The following TAC1 variants were observed in gnomAD, a reference collection of about 807,000 sequenced individuals.
TAC1 encodes tachykinin precursor 1.
A neutral mutation model predicts 21.7 loss-of-function variants in TAC1; 12 were observed. That is an observed-to-expected ratio of 0.55 (90% CI 0.35 to 0.89). The LOEUF (loss-of-function observed/expected upper bound fraction) is 0.89, where lower values mean the gene tolerates loss of function less well. Among genes scored for constraint, TAC1 ranks in the 40% least tolerant of loss-of-function variants. The pLI is 0.01. For synonymous variants in TAC1, 52 were observed against 52.0 expected (o/e 1.00, Z 0.00); for missense variants, 128 against 151.4 (o/e 0.85, Z 0.81).
chr7:97,732,878 G>C lies in TAC1; in HGVS notation c.123+143G>C. ...CGGTTGCGTGCGAGAGGATGGAAAG[G>C]GGCACTATTTCCCGGGTTCCCCACG... On this transcript the variant is annotated intron_variant, in intron 2 of 6. Transcript: ENST00000319273. This position sits in a 1 kb window ranked among gnomAD's most constrained non-coding sequence, Gnocchi z 6.2. 1 of 1,105,572 alleles carries C rather than the reference G, an allele frequency of 9.0e-7. No individual in the cohort carries two copies. The highest frequency in any genetic ancestry group is 1.3e-6 in the Non-Finnish European group (1 of 792,242). 68.5% of individuals were successfully genotyped at this position (1,105,572 alleles called of 1,614,324 possible).
At chr7:97,736,396 T>G (rs1789574927) in intron 6 of TAC1, 44 bp downstream of exon 6, 1 of 1,517,296 alleles carries the variant, frequency 6.6e-7, no homozygotes, top group Non-Finnish European at 9.1e-7. Flanking sequence ...ATCTCAAATC[T>G]ATTTCTATTT....
chr7:97,732,304 T>C lies in TAC1; in HGVS notation c.-10+109T>C, dbSNP rs73390393. ...CTGCGGCGAGGGACAGTGGGGAGACTGGCTTCCCAAACGCCAACGCCCCTC... is the reference window on the plus strand; with the variant it reads ...CTGCGGCGAGGGACAGTGGGGAGACCGGCTTCCCAAACGCCAACGCCCCTC... On this transcript the variant is annotated intron_variant, in intron 1 of 6. Transcript: ENST00000319273. This position sits in a 1 kb window ranked among gnomAD's most constrained non-coding sequence, Gnocchi z 6.2. The C allele has an allele frequency of 3.7e-3, 847 of 226,046 alleles. 8 individuals are homozygous for C. Among genetic ancestry groups the C allele is most frequent in the African/African-American group, 0.019 (815 of 43,968 alleles). 14.0% of individuals were successfully genotyped at this position (226,046 alleles called of 1,614,324 possible).
At chr7:97,739,734 A>C (rs890447426) in intron 6 of TAC1, 140 bp from the exon 7 acceptor site, 8 of 554,480 alleles carry the variant, frequency 1.4e-5, no homozygotes, top group Admixed American at 3.5e-5. Context: ...AGATGTGCAG[A>C]TAACATTCTT....
intron 6 of TAC1, 32 bp from the exon 7 acceptor site, chr7:97,739,842 T>TA (rs1370302693): frequency 2.5e-6 from 4 of 1,583,524 alleles, no homozygotes; most frequent in Non-Finnish European, 3.4e-6. Context: ...TGAATTCACT[T>TA]AAAAAACACT....
In TAC1 at chr7:97,732,525, T is replaced by G. The variant is rs1412687355; in HGVS notation, c.-9-79T>G. ...TCCGTTGTGGGGCAGAAAATTCTGT[T>G]GCTTTAACTCTTGGATAACCACCCC... On this transcript the variant is annotated intron_variant, in intron 1 of 6. Coordinates refer to ENST00000319273, the MANE Select transcript of TAC1 (RefSeq NM_003182.3). The surrounding 1 kb of genome is among the most constrained non-coding windows in gnomAD (Gnocchi z 6.2). The G allele has an allele frequency of 1.3e-6, 2 of 1,542,430 alleles. No homozygotes were observed. Among genetic ancestry groups the G allele is most frequent in the Non-Finnish European group, 1.8e-6 (2 of 1,134,332 alleles).
intron 2 of TAC1, 119 bp from the exon 3 acceptor site, chr7:97,733,604 T>TG (rs1789486847): frequency 1.1e-6 from 1 of 885,872 alleles, no homozygotes; most frequent in Non-Finnish European, 1.8e-6. Context: ...AGCCCGAGCG[T>TG]GGGGAAGGCC....
At position 97,734,272 on chromosome 7, in the gene TAC1, C is replaced by T; in HGVS notation, c.245C>T (p.Ala82Val). The T allele has an allele frequency of 3.7e-6, 6 of 1,613,798 alleles. No individual in the cohort carries two copies. Among genetic ancestry groups the T allele is most frequent in the Non-Finnish European group, 5.1e-6 (6 of 1,179,776 alleles). Residue 82 changes from alanine to valine, a missense_variant, in exon 4 of 7, where the codon GCC becomes GTC. Coordinates refer to ENST00000319273, the MANE Select transcript of TAC1 (RefSeq NM_003182.3). ...DADSSIEKQV[A>V]LLKALYGHGQ... ...GATTCCTCAATTGAAAAACAAGTGG[C>T]CCTGTTAAAGGCTCTTTATGGTAAA...
intron 4 of TAC1, among the ~76,000 whole-genome samples, chr7:97,734,547 T>C (rs1453217059): frequency 2.0e-5 from 3 of 152,018 alleles, no homozygotes; most frequent in Non-Finnish European, 4.4e-5. Context: ...AGGTGGGATG[T>C]GTTACAGTCT....
chr7:97,740,411 C>A lies in TAC1; in HGVS notation c.*491C>A. ...AGTTTCAATGTGATTCTAATGTCTT[C>A]ATTTCATTGTATGATGTGTTGTGAT... On this transcript the variant is annotated 3_prime_UTR_variant, in exon 7 of 7. Transcript: ENST00000319273. The A allele has an allele frequency of 6.6e-6, 1 of 152,454 alleles. No individual in the cohort carries two copies. Among genetic ancestry groups the A allele is most frequent in the African/African-American group, 2.4e-5 (1 of 41,316 alleles). The allele number at this position is 152,454 out of a possible 1,614,324, so 9.4% of individuals were successfully genotyped here.
intron 4 of TAC1, 51 bp from the exon 5 acceptor site, chr7:97,734,775 C>T: frequency 1.5e-6 from 2 of 1,343,990 alleles, no homozygotes; most frequent in South Asian, 1.3e-5. Flanking sequence ...TATAATGTAG[C>T]ATCTTTAAAA....
rs1362182719 is a variant in TAC1, at chr7:97,734,400, A to C, written c.265+108A>C. On this transcript the variant is annotated intron_variant, in intron 4 of 6. Transcript: ENST00000319273. Reference sequence around the variant, plus strand: ...ACAAGATCTGGGTCATGCCTGTTTAATAAAGAGATGGATTTGCGCACTCTC... The same window carrying C: ...ACAAGATCTGGGTCATGCCTGTTTACTAAAGAGATGGATTTGCGCACTCTC... 13 of 957,474 alleles carry C rather than the reference A, an allele frequency of 1.4e-5. No individual in the cohort carries two copies. The East Asian group carries it at 3.4e-4, about 25-fold the overall frequency. 59.3% of individuals were successfully genotyped at this position (957,474 alleles called of 1,614,324 possible). A position where few individuals can be genotyped will look rare whatever the true frequency, so the allele number is the denominator to read the frequency against.
intron 6 of TAC1, among the ~76,000 whole-genome samples, chr7:97,736,936 G>A (rs1422592701): frequency 6.6e-6 from 1 of 151,988 alleles, no homozygotes; most frequent in East Asian, 1.9e-4. Context: ...AAATATCCTT[G>A]AGTGTTATAA....
At chr7:97,733,177 G>T in intron 2 of TAC1, 1 of 176,864 alleles carries the variant, frequency 5.7e-6, no homozygotes, top group Non-Finnish European at 1.2e-5. Flanking sequence ...GGAGGCTGGA[G>T]GGAAGTTAAT....
rs767160685 is a variant in TAC1, at chr7:97,736,392, A to T, written c.343+40A>T. ...ATGACTGAAAATAGACAGTATCTCAAATCTATTTCTATTTTTTCTAAGACA... is the reference window on the plus strand; with the variant it reads ...ATGACTGAAAATAGACAGTATCTCATATCTATTTCTATTTTTTCTAAGACA... On this transcript the variant is annotated intron_variant, in intron 6 of 6. Transcript: ENST00000319273. 2.6e-6 allele frequency: 4 copies of T among 1,520,254 alleles called. No individual in the cohort carries two copies. In the East Asian group the frequency reaches 9.0e-5, roughly 34 times the overall value. 94.2% of individuals were successfully genotyped at this position (1,520,254 alleles called of 1,614,324 possible).
intron 6 of TAC1, among the ~76,000 whole-genome samples, chr7:97,738,433 AT>A (rs1346249521): frequency 6.6e-6 from 1 of 152,030 alleles, no homozygotes; most frequent in Non-Finnish European, 1.5e-5. Flanking sequence ...GTTGGTTTAC[AT>A]TAGCTTTCAT....
At chr7:97,733,022 C>G (rs1246944577) in intron 2 of TAC1, 2 of 340,044 alleles carry the variant, frequency 5.9e-6, no homozygotes. Context: ...CGGGAAATCT[C>G]GTAAGATTTC....
Position 97,740,159 on chromosome 7 carries a change from T to C in TAC1, c.*239T>C, listed in dbSNP as rs1302728249. On this transcript the variant is annotated 3_prime_UTR_variant, in exon 7 of 7. Transcript: ENST00000319273. ...GGTTATTTCTCAACAAAGCACAGTG[T>C]TAAATGAAATTGTAAAACCTGTCAA... The C allele has an allele frequency of 9.9e-6, 3 of 303,172 alleles. No homozygotes were observed. The Admixed American group carries it at 1.5e-4, about 15-fold the overall frequency. The allele number at this position is 303,172 out of a possible 1,614,324, so 18.8% of individuals were successfully genotyped here.
chr7:97,739,812 T>C (rs888980793), intron 6 of TAC1, 62 bp from the exon 7 acceptor site: 2 of 1,248,314 alleles, frequency 1.6e-6, no homozygotes, highest in African/African-American at 1.5e-5. Flanking sequence ...CCCTGAACTT[T>C]AGTTGTGTAA....
rs1470157475 is a variant in TAC1 at position 97,734,866 on chromosome 7, T to G, written c.289+17T>G. 1 of 1,563,902 alleles carries G rather than the reference T, an allele frequency of 6.4e-7. No individual in the cohort carries two copies. The highest frequency in any genetic ancestry group is 1.7e-5 in the Admixed American group (1 of 57,694). On this transcript the variant is annotated intron_variant, in intron 5 of 6. Coordinates refer to ENST00000319273, the MANE Select transcript of TAC1 (RefSeq NM_003182.3). ...CTCACAAAAGTAAGTTCAAAATTATTTTGACATTTATCAAATTTAAATGTA... is the reference window on the plus strand; with the variant it reads ...CTCACAAAAGTAAGTTCAAAATTATGTTGACATTTATCAAATTTAAATGTA...
Sources: gnomAD v4.1 joint callset for allele counts (sites outside exome capture counted in the v4.1 genomes callset) on GRCh38, gnomAD v4.1.1 for gene constraint, Gnocchi (gnomAD v3.1) non-coding constraint, MANE v1.5 for transcripts, NCBI Gene and HGNC (gene_info 2026-07-23, HGNC 2026-07-21) for gene names.